TMEM132B: variants seen among roughly 807,000 people sequenced by gnomAD.
The protein encoded by TMEM132B is transmembrane protein 132B.
TMEM132B carries 18 observed loss-of-function variants against 90.8 expected under a neutral mutation model. The ratio of observed to expected loss-of-function variants is 0.20; its 90% CI spans 0.14 to 0.29. TMEM132B has a LOEUF of 0.29. Ranked by LOEUF, TMEM132B falls within the 10% of genes least tolerant of loss-of-function variation. The probability of loss-of-function intolerance (pLI) is 1.00; values close to 1 mark genes in which losing one functional copy is unlikely to be tolerated. For synonymous variants in TMEM132B, 504 were observed against 523.3 expected (o/e 0.96, Z 0.50); for missense variants, 1,096 against 1,326.8 (o/e 0.83, Z 2.70).
At chr12:125,311,775 G>T (rs1876131083) in intron 1 of TMEM132B, among the ~76,000 whole-genome samples, 1 of 152,192 alleles carries the variant, frequency 6.6e-6, no homozygotes, top group African/African-American at 2.4e-5. Flanking sequence ...GGGCAGGGAG[G>T]TTGGGTGGGG....
chr12:125,528,917 C>T (rs1433141875), intron 4 of TMEM132B, among the ~76,000 whole-genome samples: 1 of 152,128 alleles, frequency 6.6e-6, no homozygotes, highest in Non-Finnish European at 1.5e-5. Context: ...AGGTGTGTTA[C>T]ATTAATTGTG....
chr12:125,453,259 C>T (rs1400368682), intron 3 of TMEM132B, among the ~76,000 whole-genome samples: 2 of 152,138 alleles, frequency 1.3e-5, no homozygotes, highest in East Asian at 1.9e-4. Flanking sequence ...TTGCCTTTTT[C>T]CATCATATCT....
intron 2 of TMEM132B, among the ~76,000 whole-genome samples, chr12:125,400,904 G>A (rs1879301732): frequency 6.6e-6 from 1 of 152,148 alleles, no homozygotes; most frequent in Non-Finnish European, 1.5e-5. Flanking sequence ...TGCCCACAGA[G>A]TGTTCTGAGG....
intron 5 of TMEM132B, chr12:125,622,741 C>A: frequency 1.2e-6 from 1 of 825,862 alleles, no homozygotes; most frequent in Non-Finnish European, 1.5e-6. Flanking sequence ...CATTCTGGAG[C>A]AAGTGGTGGG....
chr12:125,645,791 G>C (rs1011391988), intron 6 of TMEM132B, among the ~76,000 whole-genome samples: 1 of 152,114 alleles, frequency 6.6e-6, no homozygotes, highest in Non-Finnish European at 1.5e-5. Context: ...AAACCATGAA[G>C]TTTGTGGTCA....
chr12:125,546,016 G>T (rs1403217630), intron 4 of TMEM132B, among the ~76,000 whole-genome samples: 6 of 152,104 alleles, frequency 3.9e-5, no homozygotes, highest in African/African-American at 1.4e-4. Context: ...TCCTTCTTAA[G>T]TATATCATTC....
chr12:125,269,889 G>A (rs1042758155), intron 1 of TMEM132B, among the ~76,000 whole-genome samples: 1 of 152,000 alleles, frequency 6.6e-6, no homozygotes, highest in Non-Finnish European at 1.5e-5. Context: ...CTCTCTTCAT[G>A]GTCCAAGATA....
At chr12:125,262,681 ACGCT>A (rs1874596474) in intron 1 of TMEM132B, among the ~76,000 whole-genome samples, 1 of 152,240 alleles carries the variant, frequency 6.6e-6, no homozygotes, top group South Asian at 2.1e-4. Flanking sequence ...TCCCAGAAAG[ACGCT>A]GTCAAAAATT....
intron 1 of TMEM132B, among the ~76,000 whole-genome samples, chr12:125,224,437 C>T (rs376832366): frequency 1.2e-4 from 19 of 152,204 alleles, no homozygotes; most frequent in South Asian, 4.1e-4. Context: ...CCCAGGGTGC[C>T]GACTGTTTTC....
rs1413050732 is a variant in TMEM132B at position 125,432,519 on chromosome 12, A to ATGTG, written c.1106+16843_1106+16844insGTGT. ...TATATATATGTGTGTGTGTATATAT[A>ATGTG]TATATATATAGAGAGAGAGAGAGAG... On this transcript the variant is annotated intron_variant, in intron 3 of 8. Transcript: ENST00000682704. Among the ~76,000 whole-genome samples the ATGTG allele has an allele frequency of 2.8e-4, 18 of 64,014 alleles. 1 individual carries two copies. The highest frequency in any genetic ancestry group is 1.3e-3 in the East Asian group (2 of 1,568). 42.0% of individuals were successfully genotyped at this position (64,014 alleles called of 152,430 possible).
chr12:125,495,238 T>C (rs1312256055), intron 3 of TMEM132B, among the ~76,000 whole-genome samples: 2 of 107,970 alleles, frequency 1.9e-5, no homozygotes, highest in Non-Finnish European at 3.7e-5. Flanking sequence ...AATGGCCGTG[T>C]CCGTCCTCCC....
chr12:125,643,834 A>C (rs1886689798), intron 5 of TMEM132B, among the ~76,000 whole-genome samples: 1 of 152,152 alleles, frequency 6.6e-6, no homozygotes, highest in South Asian at 2.1e-4. Context: ...AACTCCATTA[A>C]ATTATGTTAA....
intron 3 of TMEM132B, among the ~76,000 whole-genome samples, chr12:125,430,217 C>T (rs142303712): frequency 6.6e-6 from 1 of 152,320 alleles, no homozygotes; most frequent in East Asian, 1.9e-4. Context: ...GTAAATTTCC[C>T]TTCCACCCCT....
intron 1 of TMEM132B, among the ~76,000 whole-genome samples, chr12:125,262,637 A>G (rs141113885): frequency 4.5e-4 from 69 of 152,314 alleles, no homozygotes; most frequent in African/African-American, 1.5e-3. Context: ...CTTGAACTAT[A>G]GTTTTTCTTA....
intron 4 of TMEM132B, among the ~76,000 whole-genome samples, chr12:125,522,514 A>G (rs2136668629): frequency 6.6e-6 from 1 of 152,330 alleles, no homozygotes; most frequent in Admixed American, 6.5e-5. Flanking sequence ...ACATTTCTTG[A>G]GAGGTTATGG....
chr12:125,348,942 G>A (rs971771284), intron 1 of TMEM132B, among the ~76,000 whole-genome samples: 1 of 152,156 alleles, frequency 6.6e-6, no homozygotes, highest in Non-Finnish European at 1.5e-5. Context: ...AAAGCTGAGC[G>A]GTAGCTTCAC....
At chr12:125,605,282 T>C (rs140173080) in intron 5 of TMEM132B, among the ~76,000 whole-genome samples, 74 of 152,326 alleles carry the variant, frequency 4.9e-4, no homozygotes, top group African/African-American at 1.7e-3. Context: ...AGCAATCATC[T>C]TTATATCGGG....
intron 1 of TMEM132B, among the ~76,000 whole-genome samples, chr12:125,220,910 T>C (rs1269893858): frequency 6.6e-6 from 1 of 152,272 alleles, no homozygotes; most frequent in Non-Finnish European, 1.5e-5. Flanking sequence ...TGTCAGCCAC[T>C]GGCCTCCTGT....
chr12:125,564,482 G>GT (rs1312629300), intron 4 of TMEM132B, among the ~76,000 whole-genome samples: 2 of 152,130 alleles, frequency 1.3e-5, no homozygotes, highest in Non-Finnish European at 2.9e-5. Flanking sequence ...TTTCTGTTCG[G>GT]TTTTCTCAGA....
Sources: allele counts gnomAD v4.1 joint callset (sites outside exome capture counted in the v4.1 genomes callset), GRCh38; gene constraint gnomAD v4.1.1; transcripts MANE v1.5; gene names NCBI Gene and HGNC (gene_info 2026-07-23, HGNC 2026-07-21).